MAPK6: variants seen among roughly 807,000 people sequenced by gnomAD.
The protein encoded by MAPK6 is ERK-3.
Under a neutral mutation model 59.3 loss-of-function variants are expected in MAPK6, and 19 were observed. That is an observed-to-expected ratio of 0.32 (90% CI 0.22 to 0.47). The LOEUF (loss-of-function observed/expected upper bound fraction) is 0.47, where lower values mean the gene tolerates loss of function less well. Ranked by LOEUF, MAPK6 falls within the 20% of genes least tolerant of loss-of-function variation. The pLI is 1.00. For synonymous variants in MAPK6, 316 were observed against 290.3 expected (o/e 1.09, Z -0.90); for missense variants, 724 against 847.9 (o/e 0.85, Z 1.81).
At chr15:52,061,553 A>G in intron 5 of MAPK6, 53 bp downstream of exon 5, 1 of 1,305,378 alleles carries the variant, frequency 7.7e-7, no homozygotes, top group Non-Finnish European at 1.1e-6. Context: ...TCAGTGGACC[A>G]TATGTAGTGA....
At chr15:52,061,685 C>T (rs1477774019) in intron 5 of MAPK6, among the ~76,000 whole-genome samples, 185 bp downstream of exon 5, 2 of 151,980 alleles carry the variant, frequency 1.3e-5, no homozygotes, top group Non-Finnish European at 2.9e-5. Flanking sequence ...GAGGCTGAGG[C>T]AGGAAAATCA....
At chr15:52,001,827 G>C (rs1419843637) in intron 2 of MAPK6, among the ~76,000 whole-genome samples, 1 of 152,034 alleles carries the variant, frequency 6.6e-6, no homozygotes, top group Admixed American at 6.6e-5. Flanking sequence ...CCCTTAATAG[G>C]GAAGAATGAC....
At chr15:52,016,107 C>CACACACACACACACAAAAAAA (rs1267339787), upstream of MAPK6, among the ~76,000 whole-genome samples, 1 of 136,212 alleles carries the variant, frequency 7.3e-6, no homozygotes, top group Non-Finnish European at 1.6e-5. Flanking sequence ...CACACACACA[C>CACACACACACACACAAAAAAA]AAACTAAAAC....
At chr15:52,010,581 C>G (rs558341464) in intron 3 of MAPK6, among the ~76,000 whole-genome samples, 71 of 134,126 alleles carry the variant, frequency 5.3e-4, no homozygotes, top group African/African-American at 1.9e-3. Flanking sequence ...TGTAGTGGCA[C>G]GATCTTGGCT....
chr15:52,019,733 C>T (rs1444648791), intron 1 of MAPK6, among the ~76,000 whole-genome samples: 1 of 151,236 alleles, frequency 6.6e-6, no homozygotes, highest in Non-Finnish European at 1.5e-5. Context: ...TGGCCCCGCA[C>T]GCCTGCTGCC....
chr15:51,972,834 A>T (rs1248286694), intron 1 of MAPK6, among the ~76,000 whole-genome samples: 2 of 151,078 alleles, frequency 1.3e-5, no homozygotes, highest in Admixed American at 1.3e-4. Flanking sequence ...AATAATAATA[A>T]AATAAAATAA....
upstream of MAPK6, among the ~76,000 whole-genome samples, chr15:52,016,070 G>GCGCGCAAACACACACACA: frequency 3.6e-5 from 2 of 55,392 alleles, no homozygotes; most frequent in Admixed American, 2.0e-4. Flanking sequence ...GCGCGCGCGC[G>GCGCGCAAACACACACACA]CACACACACA....
At chr15:52,047,546 G>A (rs2017967) in intron 2 of MAPK6, among the ~76,000 whole-genome samples, 8,328 of 151,646 alleles carry the variant, frequency 0.055, 440 homozygotes, top group African/African-American at 0.13. Context: ...GGGTTTCACC[G>A]TGTTGGCCAG....
chr15:52,065,070 TAA>T lies in MAPK6; in HGVS notation c.*71_*72del, dbSNP rs1406345939. The T allele has an allele frequency of 2.4e-5, 34 of 1,405,646 alleles. No individual in the cohort carries two copies. The African/African-American group carries it at 3.6e-4, about 15-fold the overall frequency. The allele number at this position is 1,405,646 out of a possible 1,614,324, so 87.1% of individuals were successfully genotyped here. On this transcript the variant is annotated 3_prime_UTR_variant, in exon 6 of 6. Coordinates refer to ENST00000261845, the MANE Select transcript of MAPK6 (RefSeq NM_002748.4). ...TTTGTCTTTTTTTATTACTAGTGTT[TAA>T]GTCATTTTTTACTTGAATCAGATGG...
intron 1 of MAPK6, among the ~76,000 whole-genome samples, chr15:52,042,337 T>C (rs2031449284): frequency 6.6e-6 from 1 of 152,228 alleles, no homozygotes; most frequent in South Asian, 2.1e-4. Flanking sequence ...TACTACCTTC[T>C]CTTGTTACAA....
At position 52,053,233 on chromosome 15, in the gene MAPK6, G is replaced by A. The variant is rs371949238; in HGVS notation, c.700+3096G>A. ...GGATTACAAAGGCTTGTGCCACCACGCCCAGCTAATTTTTGTGTTTTTAGT... is the reference window on the plus strand; with the variant it reads ...GGATTACAAAGGCTTGTGCCACCACACCCAGCTAATTTTTGTGTTTTTAGT... On this transcript the variant is annotated intron_variant, in intron 3 of 5. Coordinates refer to ENST00000261845, the MANE Select transcript of MAPK6 (RefSeq NM_002748.4). Among the ~76,000 whole-genome samples the A allele has an allele frequency of 7.4e-4, 112 of 151,928 alleles. 2 individuals are homozygous for A. The highest frequency in any genetic ancestry group is 2.2e-3 in the African/African-American group (90 of 41,442).
At chr15:52,002,849 C>CAG (rs145056194) in intron 2 of MAPK6, among the ~76,000 whole-genome samples, 2,225 of 151,970 alleles carry the variant, frequency 0.015, 69 homozygotes, top group African/African-American at 0.051. Context: ...GCAGGTGAGA[C>CAG]AGAGAGAGAG....
chr15:51,991,982 G>A (rs1325489532), intron 2 of MAPK6, among the ~76,000 whole-genome samples: 1 of 152,058 alleles, frequency 6.6e-6, no homozygotes, highest in African/African-American at 2.4e-5. Context: ...TTGGAGACTG[G>A]GTCTCGCTCT....
At position 52,066,411 on chromosome 15, in the gene MAPK6, T is replaced by C. The variant is rs1645598320; in HGVS notation, c.*1411T>C. The C allele has an allele frequency of 6.6e-6, 1 of 152,144 alleles. No individual in the cohort carries two copies. The highest frequency in any genetic ancestry group is 6.5e-5 in the Admixed American group (1 of 15,268). The allele number at this position is 152,144 out of a possible 1,614,324, so 9.4% of individuals were successfully genotyped here. The stretch of plus-strand genomic sequence containing the variant: ...TGACTTAAACCATCACATATTAGAA[T>C]GGAATAAAGCTTTATAATATTTCAA... On this transcript the variant is annotated 3_prime_UTR_variant, in exon 6 of 6. Transcript: ENST00000261845.
chr15:52,031,775 A>G (rs868451734), intron 1 of MAPK6, among the ~76,000 whole-genome samples: 4 of 152,190 alleles, frequency 2.6e-5, no homozygotes, highest in Admixed American at 6.5e-5. Flanking sequence ...GGAGGTTGCA[A>G]TGAGTCATGT....
At chr15:51,981,546 G>T (rs992483253) in intron 1 of MAPK6, among the ~76,000 whole-genome samples, 2 of 152,126 alleles carry the variant, frequency 1.3e-5, no homozygotes, top group Admixed American at 6.5e-5. Flanking sequence ...TAAAGGTAAT[G>T]AGTCAGAAAT....
chr15:52,063,849 T>C, intron 5 of MAPK6, 53 bp from the exon 6 acceptor site: 3 of 1,481,872 alleles, frequency 2.0e-6, no homozygotes, highest in Non-Finnish European at 2.7e-6. Flanking sequence ...CTCGGTGAAT[T>C]TGAAAATGAA....
chr15:52,035,316 C>T (rs2031201277), intron 1 of MAPK6, among the ~76,000 whole-genome samples: 1 of 152,152 alleles, frequency 6.6e-6, no homozygotes, highest in Non-Finnish European at 1.5e-5. Context: ...TGCTTTTCTG[C>T]CTTGCCCTCA....
intron 3 of MAPK6, among the ~76,000 whole-genome samples, chr15:52,007,158 T>C (rs1048206360): frequency 1.3e-5 from 2 of 152,042 alleles, no homozygotes; most frequent in Non-Finnish European, 2.9e-5. Context: ...GTGTGTTTAT[T>C]ATAGGAAGTG....
Sources: gnomAD v4.1 joint callset for allele counts (sites outside exome capture counted in the v4.1 genomes callset) on GRCh38, gnomAD v4.1.1 for gene constraint, MANE v1.5 for transcripts, NCBI Gene and HGNC (gene_info 2026-07-23, HGNC 2026-07-21) for gene names.